ATP8B4: variants seen among roughly 807,000 people sequenced by gnomAD.
ATP8B4 encodes the protein ATPase phospholipid transporting 8B4 (putative), also known as probable phospholipid-transporting ATPase IM.
Under a neutral mutation model 145.6 loss-of-function variants are expected in ATP8B4, and 133 were observed. That is an observed-to-expected ratio of 0.91 (90% CI 0.79 to 1.05). The LOEUF (loss-of-function observed/expected upper bound fraction) is 1.05. Among genes scored for constraint, ATP8B4 ranks in the 50% least tolerant of loss-of-function variants. The pLI, the probability that ATP8B4 is intolerant of heterozygous loss-of-function variation, is 0.00. For synonymous variants in ATP8B4, 507 were observed against 492.9 expected, an observed-to-expected ratio of 1.03 and a Z score of -0.38; for missense variants, 1,458 against 1,425.2, an observed-to-expected ratio of 1.02 and a Z score of -0.37.
At chr15:49,951,312 C>A (rs183467434) in intron 14 of ATP8B4, among the ~76,000 whole-genome samples, 1 of 152,126 alleles carries the variant, frequency 6.6e-6, no homozygotes, top group Non-Finnish European at 1.5e-5. Flanking sequence ...AAGTCTCCCA[C>A]TATTATTGTG....
At chr15:50,129,560 C>G (rs2057330819) in intron 1 of ATP8B4, among the ~76,000 whole-genome samples, 1 of 152,126 alleles carries the variant, frequency 6.6e-6, no homozygotes, top group South Asian at 2.1e-4. Context: ...GATTTGGGCT[C>G]CATTCTAATC....
intron 21 of ATP8B4, among the ~76,000 whole-genome samples, chr15:49,899,676 T>C (rs891357783): frequency 2.0e-5 from 3 of 151,906 alleles, no homozygotes; most frequent in African/African-American, 4.8e-5. Flanking sequence ...TGAAAAACTA[T>C]GCTAAGACTC....
At chr15:49,997,247 G>C (rs2047506655) in intron 8 of ATP8B4, among the ~76,000 whole-genome samples, 1 of 152,084 alleles carries the variant, frequency 6.6e-6, no homozygotes, top group South Asian at 2.1e-4. Flanking sequence ...ATCAATCCAA[G>C]AAACCCATAA....
intron 25 of ATP8B4, among the ~76,000 whole-genome samples, chr15:49,869,773 G>A (rs1160308495): frequency 1.3e-5 from 2 of 152,320 alleles, no homozygotes; most frequent in South Asian, 2.1e-4. Flanking sequence ...GCTGTAAGGT[G>A]TAATAACAGC....
chr15:50,001,492 C>G (rs897159783), intron 8 of ATP8B4, among the ~76,000 whole-genome samples: 1 of 152,212 alleles, frequency 6.6e-6, no homozygotes, highest in Non-Finnish European at 1.5e-5. Flanking sequence ...GGACAAATTA[C>G]CTAGGCTCTC....
At chr15:50,083,671 A>G (rs1057426213) in intron 2 of ATP8B4, among the ~76,000 whole-genome samples, 2 of 152,168 alleles carry the variant, frequency 1.3e-5, no homozygotes, top group African/African-American at 4.8e-5. Context: ...GTTGCACAGG[A>G]AGCTTTCAAT....
chr15:50,064,072 AAG>A (rs1320565882), intron 3 of ATP8B4, among the ~76,000 whole-genome samples: 1 of 152,138 alleles, frequency 6.6e-6, no homozygotes, highest in African/African-American at 2.4e-5. Context: ...GAATTCTGTA[AAG>A]AGAGTTGAAT....
intron 3 of ATP8B4, among the ~76,000 whole-genome samples, chr15:50,062,982 G>A (rs994686453): frequency 1.3e-5 from 2 of 151,860 alleles, no homozygotes; most frequent in Non-Finnish European, 2.9e-5. Context: ...AGAATCATAG[G>A]AATATGACTT....
chr15:49,991,106 T>C (rs2047012105), intron 9 of ATP8B4, among the ~76,000 whole-genome samples: 1 of 152,118 alleles, frequency 6.6e-6, no homozygotes, highest in Non-Finnish European at 1.5e-5. Flanking sequence ...GAGTCAGCTG[T>C]GCTGTTGGGT....
At chr15:49,915,792 T>A (rs2039674956) in intron 20 of ATP8B4, among the ~76,000 whole-genome samples, 1 of 151,920 alleles carries the variant, frequency 6.6e-6, no homozygotes, top group African/African-American at 2.4e-5. Context: ...CAAAGACATG[T>A]GCAGTATTTA....
At chr15:50,060,154 A>G (rs943760787) in intron 3 of ATP8B4, among the ~76,000 whole-genome samples, 2 of 152,172 alleles carry the variant, frequency 1.3e-5, no homozygotes, top group African/African-American at 4.8e-5. Flanking sequence ...TTCCAGAACT[A>G]AAGAAAAGCT....
chr15:50,101,787 C>T lies in ATP8B4; in HGVS notation c.28+5152G>A, dbSNP rs1366863495. Among the ~76,000 whole-genome samples the T allele has an allele frequency of 3.3e-5, 5 of 151,530 alleles. No homozygotes were observed. The South Asian group carries it at 6.2e-4, about 19-fold the overall frequency. Reference sequence around the variant, plus strand: ...CATTCTACCCAACAAATGCAGAATACACATTCTATTCATCAGCACATGGAA... The same window carrying T: ...CATTCTACCCAACAAATGCAGAATATACATTCTATTCATCAGCACATGGAA... On this transcript the variant is annotated intron_variant, in intron 2 of 27. Transcript: ENST00000284509.
chr15:49,964,527 C>G (rs1296342541), intron 13 of ATP8B4, among the ~76,000 whole-genome samples: 1 of 151,992 alleles, frequency 6.6e-6, no homozygotes, highest in Non-Finnish European at 1.5e-5. Flanking sequence ...GATATTAATA[C>G]CCCCAACTTG....
chr15:50,133,663 G>A (rs984700264), intron 1 of ATP8B4, among the ~76,000 whole-genome samples: 1 of 152,130 alleles, frequency 6.6e-6, no homozygotes, highest in Non-Finnish European at 1.5e-5. Context: ...ATAATAAGCA[G>A]TTGCCAGGGG....
intron 14 of ATP8B4, among the ~76,000 whole-genome samples, chr15:49,952,992 G>A (rs1242237032): frequency 6.6e-6 from 1 of 151,942 alleles, no homozygotes; most frequent in Non-Finnish European, 1.5e-5. Flanking sequence ...AGTTTGCTGG[G>A]GGTTCACTTC....
rs759135141 is a variant in ATP8B4, at chr15:50,137,369, A to AAT, written c.-42-30362_-42-30361insAT. Among the ~76,000 whole-genome samples, 259 of 152,184 alleles carry AAT rather than the reference A, an allele frequency of 1.7e-3. 2 individuals are homozygous for AAT. Among genetic ancestry groups the AAT allele is most frequent in the Non-Finnish European group, 2.1e-3 (143 of 68,026 alleles). ...CGGCACATTCTGGAAGGCTCTTCAG[A>AAT]GGGTTAGCAGGTTATCAGACATCTT... On this transcript the variant is annotated intron_variant, in intron 1 of 3. Coordinates refer to the ATP8B4 transcript ENST00000558829.
chr15:49,998,748 A>T (rs2047636973), intron 8 of ATP8B4, among the ~76,000 whole-genome samples: 1 of 151,828 alleles, frequency 6.6e-6, no homozygotes, highest in African/African-American at 2.4e-5. Context: ...GTTTAATTAG[A>T]TCCCATTTGT....
chr15:50,000,582 T>A (rs189103309), intron 8 of ATP8B4, among the ~76,000 whole-genome samples: 58 of 152,290 alleles, frequency 3.8e-4, no homozygotes, highest in African/African-American at 1.1e-3. Flanking sequence ...GAAGTTTTTT[T>A]AAAATATATT....
At chr15:50,040,353 T>C (rs1415785219) in intron 5 of ATP8B4, among the ~76,000 whole-genome samples, 1 of 152,204 alleles carries the variant, frequency 6.6e-6, no homozygotes, top group Non-Finnish European at 1.5e-5. Flanking sequence ...CCTTTGCCTC[T>C]TCAGGTCTAG....
Sources: allele counts gnomAD v4.1 joint callset (sites outside exome capture counted in the v4.1 genomes callset), GRCh38; gene constraint gnomAD v4.1.1; transcripts MANE v1.5; gene names NCBI Gene and HGNC (gene_info 2026-07-23, HGNC 2026-07-21).